The following TXNDC16 variants were observed in gnomAD, a reference collection of about 807,000 sequenced individuals.
The protein encoded by TXNDC16 is thioredoxin domain-containing protein 16.
A neutral mutation model predicts 85.6 loss-of-function variants in TXNDC16; 74 were observed. The ratio of observed to expected loss-of-function variants is 0.86; its 90% CI spans 0.72 to 1.05. TXNDC16 has a LOEUF of 1.05. TXNDC16 is among the 50% of genes least tolerant of loss of function. The pLI is 0.00. For synonymous variants in TXNDC16, 335 were observed against 326.5 expected, an observed-to-expected ratio of 1.03 and a Z score of -0.28; for missense variants, 959 against 947.0, an observed-to-expected ratio of 1.01 and a Z score of -0.17.
In TXNDC16 at chr14:52,506,047, C is replaced by T. The variant is rs1302891522; in HGVS notation, c.756+5193G>A. The stretch of plus-strand genomic sequence containing the variant: ...GGAAGAAGTTGAATCTCTGAATAGA[C>T]CAATAACAGGCTCTGAAATTGAGGC... On this transcript the variant is annotated intron_variant, in intron 9 of 20. Coordinates refer to ENST00000281741, the MANE Select transcript of TXNDC16 (RefSeq NM_020784.3). 2.0e-5 allele frequency among the ~76,000 whole-genome samples: 3 copies of T among 152,268 alleles called. 1 individual carries two copies. Among genetic ancestry groups the T allele is most frequent in the Middle Eastern group, 6.8e-3 (2 of 294 alleles).
intron 6 of TXNDC16, among the ~76,000 whole-genome samples, chr14:52,520,439 G>T (rs936246098): frequency 5.9e-5 from 9 of 151,962 alleles, no homozygotes; most frequent in Non-Finnish European, 1.2e-4. Flanking sequence ...GTGAAACCCC[G>T]TCTCTACTAA....
intron 16 of TXNDC16, among the ~76,000 whole-genome samples, chr14:52,461,062 T>C (rs2035642003): frequency 1.3e-5 from 2 of 151,610 alleles, no homozygotes; most frequent in South Asian, 4.2e-4. Context: ...TATCTTTTAG[T>C]TCTTTTAATT....
At chr14:52,522,141 T>C (rs567790706) in intron 6 of TXNDC16, among the ~76,000 whole-genome samples, 2 of 152,324 alleles carry the variant, frequency 1.3e-5, no homozygotes, top group Admixed American at 1.3e-4. Flanking sequence ...CCATGTAAAT[T>C]CTAGGCTTGG....
chr14:52,532,936 C>T (rs760886714), intron 6 of TXNDC16, among the ~76,000 whole-genome samples: 4 of 152,122 alleles, frequency 2.6e-5, no homozygotes, highest in Admixed American at 6.5e-5. Context: ...TTGTAAATAT[C>T]GTTACTGGGA....
intron 14 of TXNDC16, among the ~76,000 whole-genome samples, chr14:52,477,318 C>T (rs537645614): frequency 6.6e-6 from 1 of 152,154 alleles, no homozygotes; most frequent in Non-Finnish European, 1.5e-5. Context: ...AATGGTATCT[C>T]ACATCTCAAT....
At chr14:52,498,427 AC>A (rs2078756532) in intron 9 of TXNDC16, among the ~76,000 whole-genome samples, 1 of 151,826 alleles carries the variant, frequency 6.6e-6, no homozygotes. Flanking sequence ...ACACACACAC[AC>A]ACACACACAC....
At chr14:52,525,037 G>A (rs1043857865) in intron 6 of TXNDC16, among the ~76,000 whole-genome samples, 3 of 151,844 alleles carry the variant, frequency 2.0e-5, no homozygotes, top group African/African-American at 4.8e-5. Context: ...CAGGAGAATC[G>A]TGTGAACCCA....
At chr14:52,442,190 T>C (rs982001976) in intron 18 of TXNDC16, among the ~76,000 whole-genome samples, 3 of 152,194 alleles carry the variant, frequency 2.0e-5, no homozygotes, top group African/African-American at 7.2e-5. Context: ...GGATTAAAAA[T>C]AGCAATGACA....
At chr14:52,432,877 C>G (rs2140095806) in intron 20 of TXNDC16, among the ~76,000 whole-genome samples, 1 of 152,184 alleles carries the variant, frequency 6.6e-6, no homozygotes, top group Non-Finnish European at 1.5e-5. Flanking sequence ...GCCGATTAAC[C>G]TTTGCTAAGG....
At chr14:52,533,426 C>T (rs1006835390) in intron 6 of TXNDC16, among the ~76,000 whole-genome samples, 4 of 152,118 alleles carry the variant, frequency 2.6e-5, no homozygotes, top group African/African-American at 9.7e-5. Context: ...GATTATACAA[C>T]GGTCACAGAA....
chr14:52,521,120 CTT>C (rs1555341257), intron 6 of TXNDC16, among the ~76,000 whole-genome samples: 1 of 148,292 alleles, frequency 6.7e-6, no homozygotes, highest in Non-Finnish European at 1.5e-5. Flanking sequence ...TGGTGTTTTA[CTT>C]TTTTTTTTGA....
intron 6 of TXNDC16, among the ~76,000 whole-genome samples, chr14:52,529,661 T>C (rs2037436905): frequency 9.4e-6 from 1 of 105,878 alleles, no homozygotes; most frequent in Non-Finnish European, 1.7e-5. Flanking sequence ...TTATATATAA[T>C]GCCTATTATA....
intron 16 of TXNDC16, among the ~76,000 whole-genome samples, chr14:52,465,442 G>A (rs74587403): frequency 0.11 from 16,051 of 151,822 alleles, 1,160 homozygotes; most frequent in East Asian, 0.37. Context: ...AATACAAAGA[G>A]TCAGCCGGGC....
intron 7 of TXNDC16, among the ~76,000 whole-genome samples, chr14:52,516,676 CT>C (rs564831328): frequency 4.7e-4 from 71 of 152,086 alleles, no homozygotes; most frequent in Non-Finnish European, 8.8e-4. Context: ...TTGATGATTC[CT>C]CCTTTTCAGG....
chr14:52,529,118 A>T (rs1431355482), intron 6 of TXNDC16, among the ~76,000 whole-genome samples: 1 of 151,176 alleles, frequency 6.6e-6, no homozygotes, highest in African/African-American at 2.4e-5. Context: ...AAAATGTGGC[A>T]CATATACACC....
intron 7 of TXNDC16, among the ~76,000 whole-genome samples, chr14:52,516,526 T>C (rs544439426): frequency 6.6e-6 from 1 of 152,302 alleles, no homozygotes; most frequent in East Asian, 1.9e-4. Flanking sequence ...AGAGTAGTCT[T>C]TTTATCTAAT....
intron 9 of TXNDC16, among the ~76,000 whole-genome samples, chr14:52,500,057 G>T (rs1313742727): frequency 6.6e-6 from 1 of 151,968 alleles, no homozygotes; most frequent in Non-Finnish European, 1.5e-5. Context: ...AGTATATGGA[G>T]GTTCTTCAAA....
In TXNDC16 at chr14:52,488,438, A is replaced by C. The variant is rs774179998; in HGVS notation, c.1033T>G (p.Ser345Ala). The change falls in exon 12 of 21, where the codon TCT (serine) becomes GCT (alanine). Residue 345 changes from serine to alanine, a missense_variant. Coordinates refer to ENST00000281741, the MANE Select transcript of TXNDC16 (RefSeq NM_020784.3). ...ATGTGCATATTATTTTCCACATGAG[A>C]TATTATTAAATCAACATCATGTAAT... The part of the protein sequence containing the change: ...LVLHDVDLII[S>A]HVENNMHIEE... The C allele has an allele frequency of 2.5e-6, 4 of 1,611,438 alleles. No individual in the cohort carries two copies. The highest frequency in any genetic ancestry group is 3.4e-6 in the Non-Finnish European group (4 of 1,177,742).
At chr14:52,513,390 A>T (rs564710025) in intron 8 of TXNDC16, among the ~76,000 whole-genome samples, 89 of 152,320 alleles carry the variant, frequency 5.8e-4, no homozygotes, top group Admixed American at 2.7e-3. Context: ...TCCAAAAGTG[A>T]TATCACAGCA....
Sources: allele counts gnomAD v4.1 joint callset (sites outside exome capture counted in the v4.1 genomes callset), GRCh38; gene constraint gnomAD v4.1.1; transcripts MANE v1.5; gene names NCBI Gene and HGNC (gene_info 2026-07-23, HGNC 2026-07-21).